KCNJ15: variants seen among roughly 807,000 people sequenced by gnomAD.
KCNJ15 encodes potassium inwardly rectifying channel subfamily J member 15.
Under a neutral mutation model 23.0 loss-of-function variants are expected in KCNJ15, and 14 were observed. That is an observed-to-expected ratio of 0.61 (90% CI 0.40 to 0.95). KCNJ15 has a LOEUF of 0.95. Ranked by LOEUF, KCNJ15 falls within the 40% of genes least tolerant of loss-of-function variation. The pLI is 0.00. For missense variants in KCNJ15, 388 were observed against 461.8 expected (o/e 0.84, Z 1.46); for synonymous variants, 185 against 183.2 (o/e 1.01, Z -0.08).
Position 38,300,541 on chromosome 21 carries a change from G to T in KCNJ15, c.*152G>T. On this transcript the variant is annotated 3_prime_UTR_variant, in exon 3 of 3. Coordinates refer to ENST00000398938, the MANE Select transcript of KCNJ15 (RefSeq NM_170736.3). ...AATCAATCTTTTCCTTTGATCTTGT[G>T]GCTAAACCAGCATTTCTGTGTTTGA... 2 of 634,026 alleles carry T rather than the reference G, an allele frequency of 3.2e-6. No homozygotes were observed. Among genetic ancestry groups the T allele is most frequent in the Non-Finnish European group, 5.4e-6 (2 of 369,094 alleles). The allele number at this position is 634,026 out of a possible 1,614,324, so 39.3% of individuals were successfully genotyped here.
chr21:38,253,298 T>C (rs11702384), upstream of KCNJ15, among the ~76,000 whole-genome samples: 4,544 of 152,298 alleles, frequency 0.03, 86 homozygotes, highest in Non-Finnish European at 0.038. Flanking sequence ...ATTTTGTGGC[T>C]TCCCAGGACA....
chr21:38,264,876 T>A (rs1677568883), intron 1 of KCNJ15, among the ~76,000 whole-genome samples: 1 of 152,072 alleles, frequency 6.6e-6, no homozygotes, highest in Non-Finnish European at 1.5e-5. Context: ...ATAGAAAACA[T>A]GCAGGTTATT....
intron 1 of KCNJ15, among the ~76,000 whole-genome samples, chr21:38,285,224 T>C (rs1253151091): frequency 6.6e-6 from 1 of 152,234 alleles, no homozygotes; most frequent in Non-Finnish European, 1.5e-5. Context: ...GTGGTAAATG[T>C]GATTCCTTTT....
intron 1 of KCNJ15, among the ~76,000 whole-genome samples, chr21:38,286,010 G>A (rs997618688): frequency 1.1e-4 from 16 of 152,166 alleles, no homozygotes; most frequent in South Asian, 2.1e-4. Context: ...TTGGGAGGCC[G>A]AGGCGGGCGG....
rs976999027 is a variant in KCNJ15 at position 38,303,713 on chromosome 21, A to G, written c.*3324A>G. ...ATTTTGTTGGATTTTTATTTGAATT[A>G]AATTTCCCAATTTTTAATAGACTGT... is the stretch of plus-strand genomic sequence containing the variant. On this transcript the variant is annotated 3_prime_UTR_variant, in exon 3 of 3. Coordinates refer to ENST00000398938, the MANE Select transcript of KCNJ15 (RefSeq NM_170736.3). 1.3e-5 allele frequency: 2 copies of G among 152,232 alleles called. No homozygotes were observed. Among genetic ancestry groups the G allele is most frequent in the African/African-American group, 4.8e-5 (2 of 41,460 alleles). The allele number at this position is 152,232 out of a possible 1,614,324, so 9.4% of individuals were successfully genotyped here.
chr21:38,245,474 C>T (rs1979301048), intron 1 of KCNJ15, among the ~76,000 whole-genome samples: 1 of 151,908 alleles, frequency 6.6e-6, no homozygotes, highest in Non-Finnish European at 1.5e-5. Flanking sequence ...CATCTGCCTT[C>T]CAATCTCTTC....
At position 38,304,662 on chromosome 21, in the gene KCNJ15, C is replaced by CTTTTTTTTTTTTTTTT. The variant is rs543096995; in HGVS notation, c.*4289_*4304dup. Reference sequence around the variant, plus strand: ...TTACCCTTTGTAAACTTCAATTTATCTTTTTTTTTTTTTTTTTTTTTTTTT... The same window carrying CTTTTTTTTTTTTTTTT: ...TTACCCTTTGTAAACTTCAATTTATCTTTTTTTTTTTTTTTTTTTTTTTTTTTTTTTTTTTTTTTTT... On this transcript the variant is annotated 3_prime_UTR_variant, in exon 3 of 3. Transcript: ENST00000398938. 1.6e-3 allele frequency: 92 copies of CTTTTTTTTTTTTTTTT among 56,056 alleles called. 17 individuals are homozygous for CTTTTTTTTTTTTTTTT. Among genetic ancestry groups the CTTTTTTTTTTTTTTTT allele is most frequent in the Non-Finnish European group, 2.7e-3 (75 of 28,118 alleles). The allele number at this position is 56,056 out of a possible 1,614,324, so 3.5% of individuals were successfully genotyped here.
At chr21:38,262,657 G>GT (rs1981036175) in intron 1 of KCNJ15, among the ~76,000 whole-genome samples, 1 of 151,722 alleles carries the variant, frequency 6.6e-6, no homozygotes, top group Non-Finnish European at 1.5e-5. Context: ...AAAAAGTGAT[G>GT]TCATAGTGAC....
chr21:38,290,387 A>G (rs1471703529), intron 1 of KCNJ15, among the ~76,000 whole-genome samples: 2 of 152,216 alleles, frequency 1.3e-5, no homozygotes. Context: ...AATTTCAAAC[A>G]ATAATAATGG....
At chr21:38,235,881 T>C (rs549250961) in intron 1 of KCNJ15, among the ~76,000 whole-genome samples, 10 of 152,344 alleles carry the variant, frequency 6.6e-5, no homozygotes, top group African/African-American at 2.2e-4. Flanking sequence ...CAATTTTTAC[T>C]GACAACTAAG....
intron 1 of KCNJ15, among the ~76,000 whole-genome samples, chr21:38,241,348 T>C (rs771799032): frequency 6.6e-6 from 1 of 152,188 alleles, no homozygotes; most frequent in Non-Finnish European, 1.5e-5. Context: ...GATTTTGTTC[T>C]AGATTTCTCA....
upstream of KCNJ15, among the ~76,000 whole-genome samples, chr21:38,251,998 A>G (rs1979871718): frequency 6.6e-6 from 1 of 152,202 alleles, no homozygotes; most frequent in African/African-American, 2.4e-5. Context: ...GGAAGCCTCC[A>G]GTGGGAGGCT....
chr21:38,287,027 CA>C lies in KCNJ15; in HGVS notation c.-116-9898del, dbSNP rs1983982649. On this transcript the variant is annotated intron_variant, in intron 1 of 2. Transcript: ENST00000398938. Reference sequence around the variant, plus strand: ...TTGGAAAAGTATAATTTTGTTTTTTCAGTACTGTAATAGGTGCATTTTAATA... The same window carrying C: ...TTGGAAAAGTATAATTTTGTTTTTTCGTACTGTAATAGGTGCATTTTAATA... 2.0e-5 allele frequency among the ~76,000 whole-genome samples: 3 copies of C among 152,130 alleles called. No homozygotes were observed. In the South Asian group the frequency reaches 6.2e-4, roughly 31 times the overall value.
Position 38,278,273 on chromosome 21 carries a change from A to C in KCNJ15, c.-116-18653A>C, listed in dbSNP as rs1321339553. On this transcript the variant is annotated intron_variant, in intron 1 of 2. Coordinates refer to ENST00000398938, the MANE Select transcript of KCNJ15 (RefSeq NM_170736.3). Reference sequence around the variant, plus strand: ...GATGAGATATGGCAGCTTGCATTCCAGTGGAAGGTGGTGGGGTGTGATGGA... The same window carrying C: ...GATGAGATATGGCAGCTTGCATTCCCGTGGAAGGTGGTGGGGTGTGATGGA... Among the ~76,000 whole-genome samples, 13 of 152,320 alleles carry C rather than the reference A, an allele frequency of 8.5e-5. No individual in the cohort carries two copies. In the South Asian group the frequency reaches 2.5e-3, roughly 29 times the overall value.
intron 1 of KCNJ15, among the ~76,000 whole-genome samples, chr21:38,273,840 A>G (rs1423751343): frequency 6.6e-6 from 1 of 152,240 alleles, no homozygotes; most frequent in Non-Finnish European, 1.5e-5. Context: ...AGGTCATTTC[A>G]TCCAACCCTC....
At chr21:38,229,984 G>A (rs1988687783) in intron 1 of KCNJ15, among the ~76,000 whole-genome samples, 1 of 152,182 alleles carries the variant, frequency 6.6e-6, no homozygotes, top group Non-Finnish European at 1.5e-5. Flanking sequence ...GTTCTGAAGA[G>A]TGTTACTGTG....
intron 1 of KCNJ15, among the ~76,000 whole-genome samples, chr21:38,270,422 C>T (rs2123642484): frequency 6.6e-6 from 1 of 152,284 alleles, no homozygotes; most frequent in East Asian, 1.9e-4. Context: ...TATTATCTCT[C>T]TTTTTACAAA....
chr21:38,281,323 T>C (rs1983316149), intron 1 of KCNJ15, among the ~76,000 whole-genome samples: 1 of 152,154 alleles, frequency 6.6e-6, no homozygotes, highest in Admixed American at 6.5e-5. Context: ...CATGTGCAGG[T>C]TTATTAAACA....
intron 1 of KCNJ15, among the ~76,000 whole-genome samples, chr21:38,288,025 T>C (rs1984107690): frequency 1.0e-5 from 1 of 99,940 alleles, no homozygotes; most frequent in African/African-American, 3.4e-5. Flanking sequence ...CTTGTTTTTT[T>C]CTTTGTTTTT....
Sources: gnomAD v4.1 joint callset for allele counts (sites outside exome capture counted in the v4.1 genomes callset) on GRCh38, gnomAD v4.1.1 for gene constraint, MANE v1.5 for transcripts, NCBI Gene and HGNC (gene_info 2026-07-23, HGNC 2026-07-21) for gene names.